Variants in PDE1C observed in about 807,000 individuals in gnomAD.
The protein encoded by PDE1C is phosphodiesterase 1C.
A neutral mutation model predicts 93.1 loss-of-function variants in PDE1C; 62 were observed. The ratio of observed to expected loss-of-function variants is 0.67; its 90% CI spans 0.54 to 0.82. PDE1C has a LOEUF of 0.82. Among genes scored for constraint, PDE1C ranks in the 40% least tolerant of loss-of-function variants. The pLI, the probability that PDE1C is intolerant of heterozygous loss-of-function variation, is 0.00. For missense variants in PDE1C, 742 were observed against 884.6 expected, an observed-to-expected ratio of 0.84 and a Z score of 2.04; for synonymous variants, 325 against 310.1, an observed-to-expected ratio of 1.05 and a Z score of -0.50.
chr7:32,246,554 A>G (rs1808972187), intron 1 of PDE1C, among the ~76,000 whole-genome samples: 1 of 152,210 alleles, frequency 6.6e-6, no homozygotes, highest in Admixed American at 6.5e-5. Flanking sequence ...AGAAGCACTT[A>G]GCAAAAGTGA....
chr7:31,652,881 T>A, the PDE1C span: 1 of 1,565,230 alleles, frequency 6.4e-7, no homozygotes, highest in East Asian at 2.3e-5. Flanking sequence ...CCAGAACAGA[T>A]GTAGCAAGGA....
chr7:32,059,767 A>C (rs2128706544), intron 1 of PDE1C, among the ~76,000 whole-genome samples: 1 of 152,336 alleles, frequency 6.6e-6, no homozygotes, highest in Admixed American at 6.5e-5. Context: ...CAATGAGCTA[A>C]TCAGTGGCAC....
chr7:31,737,807 A>G, the PDE1C span, among the ~76,000 whole-genome samples: 7 of 151,752 alleles, frequency 4.6e-5, 1 homozygote, highest in Non-Finnish European at 7.4e-5. Flanking sequence ...TCTCAAAAAA[A>G]AAAAAAAAAA....
chr7:31,652,493 CT>C, the PDE1C span: 3 of 1,561,016 alleles, frequency 1.9e-6, no homozygotes, highest in Non-Finnish European at 2.6e-6. Context: ...GCTGTTTACT[CT>C]TTTTCCTCTT....
intron 2 of PDE1C, among the ~76,000 whole-genome samples, chr7:31,914,176 T>G (rs1164117848): frequency 6.6e-6 from 1 of 152,178 alleles, no homozygotes. Flanking sequence ...CAAACATGCA[T>G]CAATTACAAA....
intron 2 of PDE1C, among the ~76,000 whole-genome samples, chr7:31,966,833 A>T (rs1236150589): frequency 6.6e-6 from 1 of 152,240 alleles, no homozygotes; most frequent in Admixed American, 6.5e-5. Flanking sequence ...CTACATGGAA[A>T]CTGAACAACC....
intron 2 of PDE1C, among the ~76,000 whole-genome samples, chr7:31,949,237 T>G (rs1807031905): frequency 6.6e-6 from 1 of 152,174 alleles, no homozygotes; most frequent in Admixed American, 6.6e-5. Context: ...GGTGGGCAGA[T>G]CACCTGAGGT....
At chr7:31,948,507 C>G (rs930335015) in intron 2 of PDE1C, among the ~76,000 whole-genome samples, 1 of 152,166 alleles carries the variant, frequency 6.6e-6, no homozygotes, top group African/African-American at 2.4e-5. Flanking sequence ...CATTTTTATA[C>G]TCACTTAGCT....
chr7:31,926,622 G>A (rs1411897510), intron 2 of PDE1C, among the ~76,000 whole-genome samples: 2 of 152,136 alleles, frequency 1.3e-5, no homozygotes, highest in Non-Finnish European at 2.9e-5. Flanking sequence ...TAGACAGCGG[G>A]TGCAGCCCAT....
the PDE1C span, among the ~76,000 whole-genome samples, chr7:31,621,320 T>A: frequency 9.1e-6 from 1 of 109,470 alleles, no homozygotes; most frequent in African/African-American, 3.6e-5. Context: ...TTCACCAAAG[T>A]TGAAATGAAG....
the PDE1C span, among the ~76,000 whole-genome samples, chr7:31,724,689 CA>C: frequency 6.6e-6 from 1 of 152,220 alleles, no homozygotes. Flanking sequence ...CAGGAAATAG[CA>C]GCTCTAAATA....
In PDE1C at chr7:31,964,267, G is replaced by A. The variant is rs1007329496; in HGVS notation, c.129-83407C>T. Among the ~76,000 whole-genome samples the A allele has an allele frequency of 5.9e-5, 9 of 152,204 alleles. No individual in the cohort carries two copies. The South Asian group carries it at 8.3e-4, about 14-fold the overall frequency. ...GGGGTCACTCCCACCCTAATACTGCGCTTTTCCAATGGGCTTAACAAACGG... is the reference window on the plus strand; with the variant it reads ...GGGGTCACTCCCACCCTAATACTGCACTTTTCCAATGGGCTTAACAAACGG... On this transcript the variant is annotated intron_variant, in intron 2 of 17. Coordinates refer to ENST00000396191, the MANE Select transcript of PDE1C (RefSeq NM_001191057.4).
chr7:32,248,662 C>T (rs923182208), intron 1 of PDE1C, among the ~76,000 whole-genome samples: 1 of 152,204 alleles, frequency 6.6e-6, no homozygotes, highest in Non-Finnish European at 1.5e-5. Context: ...AGTACAAACT[C>T]TGCAAAGAAC....
the PDE1C span, among the ~76,000 whole-genome samples, chr7:31,655,630 C>T: frequency 0.71 from 107,870 of 152,076 alleles, 38,860 homozygotes; most frequent in East Asian, 0.82. Flanking sequence ...CGCCTCTCGT[C>T]GCCTCCCACT....
At chr7:31,944,909 T>A (rs894224896) in intron 2 of PDE1C, among the ~76,000 whole-genome samples, 1 of 152,144 alleles carries the variant, frequency 6.6e-6, no homozygotes, top group African/African-American at 2.4e-5. Flanking sequence ...TAGAATAATT[T>A]TAGATTTACA....
intron 2 of PDE1C, among the ~76,000 whole-genome samples, chr7:31,935,820 G>A (rs547946905): frequency 1.7e-4 from 26 of 151,858 alleles, no homozygotes; most frequent in African/African-American, 5.3e-4. Context: ...AGGGTCTAAC[G>A]TCACCAAGCA....
At chr7:31,617,974 T>C in the PDE1C span, among the ~76,000 whole-genome samples, 30 of 152,292 alleles carry the variant, frequency 2.0e-4, 1 homozygote, top group South Asian at 6.0e-3. Flanking sequence ...GAAGCACACA[T>C]ATTGATTGTC....
At chr7:31,662,672 A>T in the PDE1C span, among the ~76,000 whole-genome samples, 1 of 152,172 alleles carries the variant, frequency 6.6e-6, no homozygotes, top group East Asian at 1.9e-4. Context: ...ATGTGTAAAT[A>T]ATCTAAAATG....
intron 16 of PDE1C, among the ~76,000 whole-genome samples, chr7:31,799,018 G>A (rs1318561713): frequency 6.6e-6 from 1 of 151,650 alleles, no homozygotes; most frequent in Non-Finnish European, 1.5e-5. Flanking sequence ...AATAACGTGA[G>A]TATGATTCCT....
Sources: allele counts gnomAD v4.1 joint callset (sites outside exome capture counted in the v4.1 genomes callset), GRCh38; gene constraint gnomAD v4.1.1; transcripts MANE v1.5; gene names NCBI Gene and HGNC (gene_info 2026-07-23, HGNC 2026-07-21).